The following CDIN1 variants were observed in gnomAD, a reference collection of about 807,000 sequenced individuals.
The protein encoded by CDIN1 is CDAN1 interacting nuclease 1.
A neutral mutation model predicts 45.3 loss-of-function variants in CDIN1; 33 were observed. The ratio of observed to expected loss-of-function variants is 0.73; its 90% CI spans 0.55 to 0.97. The LOEUF is 0.97. Ranked by LOEUF, CDIN1 falls within the 50% of genes least tolerant of loss-of-function variation. CDIN1 has a pLI of 0.00. For synonymous variants in CDIN1, 118 were observed against 124.4 expected (o/e 0.95, Z 0.34); for missense variants, 303 against 339.4 (o/e 0.89, Z 0.84).
intron 1 of CDIN1, among the ~76,000 whole-genome samples, chr15:36,588,301 A>C (rs1054802128): frequency 6.6e-6 from 1 of 152,206 alleles, no homozygotes; most frequent in Admixed American, 6.5e-5. Context: ...ATGCATAATT[A>C]ATACCGTAGG....
rs117421503 is a variant in CDIN1 at position 36,756,931 on chromosome 15, G to A, written c.716+46970G>A. 9.9e-5 allele frequency among the ~76,000 whole-genome samples: 15 copies of A among 152,268 alleles called. 1 individual carries two copies. The East Asian group carries it at 2.3e-3, about 24-fold the overall frequency. On this transcript the variant is annotated intron_variant, in intron 10 of 10. Transcript: ENST00000566621. ...CCAGCTAAATGACTTGTCAGGAGGGGAGAGAAGTCAGAAAAGTAATGGAGT... is the reference window on the plus strand; with the variant it reads ...CCAGCTAAATGACTTGTCAGGAGGGAAGAGAAGTCAGAAAAGTAATGGAGT...
At chr15:36,794,190 C>T (rs190925122) in intron 10 of CDIN1, among the ~76,000 whole-genome samples, 3 of 151,560 alleles carry the variant, frequency 2.0e-5, no homozygotes, top group Non-Finnish European at 4.4e-5. Flanking sequence ...TCCCGAGTAG[C>T]TGGGACTACA....
intron 1 of CDIN1, chr15:36,617,826 A>G (rs547318747): frequency 1.0e-5 from 8 of 791,992 alleles, no homozygotes; most frequent in South Asian, 6.7e-5. Flanking sequence ...TCAGACACAG[A>G]TACACAAAAG....
intron 5 of CDIN1, among the ~76,000 whole-genome samples, chr15:36,675,746 A>C (rs978361654): frequency 6.6e-6 from 1 of 152,174 alleles, no homozygotes; most frequent in African/African-American, 2.4e-5. Flanking sequence ...AGATCAGGCT[A>C]CTAACTTGTT....
At chr15:36,700,605 G>T (rs930647619) in intron 8 of CDIN1, among the ~76,000 whole-genome samples, 1 of 150,990 alleles carries the variant, frequency 6.6e-6, no homozygotes, top group Non-Finnish European at 1.5e-5. Context: ...ATCTAGGATG[G>T]CCAGTTGAGC....
intron 5 of CDIN1, among the ~76,000 whole-genome samples, chr15:36,684,476 C>T (rs1034674597): frequency 1.8e-4 from 27 of 152,084 alleles, no homozygotes; most frequent in Non-Finnish European, 3.4e-4. Flanking sequence ...ATTCGTTTTG[C>T]CAGTATTTTA....
intron 1 of CDIN1, among the ~76,000 whole-genome samples, chr15:36,592,756 AT>A (rs997603281): frequency 6.1e-4 from 91 of 148,186 alleles, no homozygotes; most frequent in Non-Finnish European, 7.5e-4. Flanking sequence ...ATGCTGCTTG[AT>A]TTTTTTTTTT....
At chr15:36,742,349 G>T (rs112932359) in intron 10 of CDIN1, among the ~76,000 whole-genome samples, 5 of 152,082 alleles carry the variant, frequency 3.3e-5, no homozygotes, top group African/African-American at 1.2e-4. Context: ...ATGCATAAAA[G>T]TTCTTAGTAG....
Position 36,781,771 on chromosome 15 carries a change from A to G in CDIN1, c.717-26553A>G, listed in dbSNP as rs79914338. 5.5e-4 allele frequency among the ~76,000 whole-genome samples: 84 copies of G among 152,328 alleles called. No individual in the cohort carries two copies. The East Asian group carries it at 0.011, about 20-fold the overall frequency. Reference sequence around the variant, plus strand: ...GTCTGTTGGACCAGAGTTATGGATTATCATAAGCTCAATGATCTCAGTTAC... The same window carrying G: ...GTCTGTTGGACCAGAGTTATGGATTGTCATAAGCTCAATGATCTCAGTTAC... On this transcript the variant is annotated intron_variant, in intron 10 of 10. Transcript: ENST00000566621.
intron 8 of CDIN1, chr15:36,704,514 C>T (rs558834786): frequency 7.0e-6 from 1 of 143,706 alleles, no homozygotes; most frequent in Non-Finnish European, 1.5e-5. Context: ...TCTTAGAGAA[C>T]ATAAAAATAT....
chr15:36,613,605 C>T lies in CDIN1; in HGVS notation c.102-30673C>T, dbSNP rs189368379. On this transcript the variant is annotated intron_variant, in intron 1 of 10. Coordinates refer to ENST00000566621, the MANE Select transcript of CDIN1 (RefSeq NM_001321759.2). ...GGAGAAAGGCGGGCCCGGGAACAGG[C>T]TGAGGCTGAGGTGGCCTCCTTGAAC... is the stretch of plus-strand genomic sequence containing the variant. 708 of 1,455,352 alleles carry T rather than the reference C, an allele frequency of 4.9e-4. 1 individual carries two copies. Among genetic ancestry groups the T allele is most frequent in the Non-Finnish European group, 6.6e-4 (686 of 1,042,370 alleles). The allele number at this position is 1,455,352 out of a possible 1,614,324, so 90.2% of individuals were successfully genotyped here.
chr15:36,695,708 G>A (rs766380347), intron 7 of CDIN1, among the ~76,000 whole-genome samples: 11 of 152,116 alleles, frequency 7.2e-5, no homozygotes, highest in African/African-American at 2.2e-4. Flanking sequence ...TTAGCTGGGC[G>A]TGGTCACAGG....
At chr15:36,684,219 G>A (rs1482113581) in intron 5 of CDIN1, among the ~76,000 whole-genome samples, 3 of 149,878 alleles carry the variant, frequency 2.0e-5, no homozygotes, top group South Asian at 2.1e-4. Flanking sequence ...GTTTGTCATA[G>A]ATAGCTCTTA....
Position 36,709,226 on chromosome 15 carries a change from A to G in CDIN1, c.548A>G (p.Glu183Gly). ...ATAGTGTTTGTTCTTCCTGTAGATGAAGATCAGCTTCGTGCAAAGGGTTAT... is the reference window on the plus strand; with the variant it reads ...ATAGTGTTTGTTCTTCCTGTAGATGGAGATCAGCTTCGTGCAAAGGGTTAT... ...LLEKNLSFLD[E>G]DQLRAKGYDK... Residue 183 changes from glutamate (E) to glycine (G), a missense_variant, in exon 9 of 11, where the codon GAA (glutamate) becomes GGA (glycine). By Grantham distance (98) the Glu-to-Gly change is moderately conservative (BLOSUM62 -2). Transcript: ENST00000566621. 1.3e-6 allele frequency: 2 copies of G among 1,596,730 alleles called. No homozygotes were observed. The highest frequency in any genetic ancestry group is 1.7e-6 in the Non-Finnish European group (2 of 1,172,104).
chr15:36,681,876 G>C (rs2041861637), intron 5 of CDIN1, among the ~76,000 whole-genome samples: 1 of 152,138 alleles, frequency 6.6e-6, no homozygotes, highest in Non-Finnish European at 1.5e-5. Flanking sequence ...ACGGATTTCA[G>C]ATGAAAGAAC....
intron 5 of CDIN1, among the ~76,000 whole-genome samples, chr15:36,675,418 A>G (rs963771988): frequency 3.3e-5 from 5 of 152,100 alleles, no homozygotes; most frequent in South Asian, 2.1e-4. Context: ...CTCCTCTGTC[A>G]TTTGGGGTGT....
chr15:36,614,197 G>T, intron 1 of CDIN1: 1 of 660,274 alleles, frequency 1.5e-6, no homozygotes. Flanking sequence ...TGAATGAGCT[G>T]TAGAATGCCC....
chr15:36,781,599 GA>G (rs1449183546), intron 10 of CDIN1, among the ~76,000 whole-genome samples: 1 of 151,724 alleles, frequency 6.6e-6, no homozygotes, highest in East Asian at 1.9e-4. Flanking sequence ...TTGCTCTTTT[GA>G]AAATAAAACA....
intron 10 of CDIN1, among the ~76,000 whole-genome samples, chr15:36,755,729 A>G (rs2053593264): frequency 6.6e-6 from 1 of 152,048 alleles, no homozygotes; most frequent in Middle Eastern, 3.2e-3. Flanking sequence ...AGTTGCCAAG[A>G]GCAATTTCCT....
Sources: gnomAD v4.1 joint callset for allele counts (sites outside exome capture counted in the v4.1 genomes callset) on GRCh38, gnomAD v4.1.1 for gene constraint, MANE v1.5 for transcripts, NCBI Gene and HGNC (gene_info 2026-07-23, HGNC 2026-07-21) for gene names.